Variants in PALLD observed in about 807,000 individuals in gnomAD.
PALLD encodes the protein palladin, cytoskeletal associated protein, also known as palladin.
In PALLD, 61 loss-of-function variants were observed where a neutral mutation model predicts 123.5. The ratio of observed to expected loss-of-function variants is 0.49; its 90% CI spans 0.40 to 0.61. PALLD has a LOEUF of 0.61. Among genes scored for constraint, PALLD ranks in the 20% least tolerant of loss-of-function variants. The pLI is 0.00. For missense variants in PALLD, 1,273 were observed against 1,377.0 expected (o/e 0.92, Z 1.20); for synonymous variants, 465 against 496.4 (o/e 0.94, Z 0.84).
At chr4:168,672,025 C>T (rs1780331675) in intron 3 of PALLD, among the ~76,000 whole-genome samples, 1 of 152,196 alleles carries the variant, frequency 6.6e-6, no homozygotes, top group African/African-American at 2.4e-5. Context: ...TTAGTGTCAC[C>T]TAGGAGCCAA....
intron 10 of PALLD, among the ~76,000 whole-genome samples, chr4:168,765,284 TAGA>T (rs1319548293): frequency 6.6e-6 from 1 of 151,778 alleles, no homozygotes; most frequent in Admixed American, 6.6e-5. Flanking sequence ...AAAAACAGAG[TAGA>T]AGAAGAAGAG....
intron 10 of PALLD, among the ~76,000 whole-genome samples, chr4:168,718,227 A>G (rs561863020): frequency 6.6e-6 from 1 of 152,320 alleles, no homozygotes; most frequent in South Asian, 2.1e-4. Flanking sequence ...TTACTGTTTG[A>G]CATTAGTATA....
intron 17 of PALLD, 62 bp downstream of exon 17, chr4:168,916,089 C>T (rs1294705127): frequency 1.4e-6 from 2 of 1,480,008 alleles, no homozygotes; most frequent in Admixed American, 1.7e-5. Flanking sequence ...TGCCATTTCT[C>T]TATAGTTCCT....
intron 2 of PALLD, among the ~76,000 whole-genome samples, chr4:168,570,194 C>A (rs1356896754): frequency 6.6e-6 from 1 of 152,202 alleles, no homozygotes; most frequent in Non-Finnish European, 1.5e-5. Flanking sequence ...ACTACTAGAA[C>A]AACCATTCAA....
intron 10 of PALLD, chr4:168,877,668 T>C (rs1751935710): frequency 2.1e-6 from 2 of 940,424 alleles, no homozygotes; most frequent in Non-Finnish European, 2.6e-6. Flanking sequence ...ACTCCTGGAA[T>C]ACACGTTCCT....
At chr4:168,515,565 TG>T (rs1226178634) in intron 2 of PALLD, among the ~76,000 whole-genome samples, 1 of 152,114 alleles carries the variant, frequency 6.6e-6, no homozygotes, top group Non-Finnish European at 1.5e-5. Context: ...GCAGCTGTAC[TG>T]GGAGGTAAGT....
At chr4:168,727,027 C>A (rs970503580) in intron 10 of PALLD, among the ~76,000 whole-genome samples, 2 of 152,156 alleles carry the variant, frequency 1.3e-5, no homozygotes, top group East Asian at 3.9e-4. Context: ...GCCTCCAGCT[C>A]CATCCACATT....
At chr4:168,847,141 G>A (rs1243576197) in intron 10 of PALLD, among the ~76,000 whole-genome samples, 1 of 152,052 alleles carries the variant, frequency 6.6e-6, no homozygotes. Flanking sequence ...GAACTTTTTT[G>A]AGGGCAATTT....
chr4:168,869,339 CT>C lies in PALLD; in HGVS notation c.1965-21582del, dbSNP rs1245492395. On this transcript the variant is annotated intron_variant, in intron 10 of 21. Coordinates refer to ENST00000505667, the MANE Select transcript of PALLD (RefSeq NM_001166108.2). The surrounding 1 kb of genome is among the most constrained non-coding windows in gnomAD (Gnocchi z 4.5). Reference sequence around the variant, plus strand: ...GCTGGTGTGTGAGATGATAATGCCACTGCCAAACTGACAGTGCCATGCCAGC... The same window carrying C: ...GCTGGTGTGTGAGATGATAATGCCACGCCAAACTGACAGTGCCATGCCAGC... Among the ~76,000 whole-genome samples the C allele has an allele frequency of 2.0e-5, 3 of 152,128 alleles. No individual in the cohort carries two copies. The highest frequency in any genetic ancestry group is 4.4e-5 in the Non-Finnish European group (3 of 68,014).
chr4:168,704,728 A>T (rs1414105119), intron 8 of PALLD, among the ~76,000 whole-genome samples: 5 of 151,688 alleles, frequency 3.3e-5, no homozygotes, highest in Middle Eastern at 6.8e-3. Flanking sequence ...AAAAATAAAA[A>T]TTTTTAAATG....
intron 15 of PALLD, among the ~76,000 whole-genome samples, chr4:168,913,261 C>A (rs1181539034): frequency 3.3e-5 from 5 of 151,754 alleles, no homozygotes; most frequent in African/African-American, 1.2e-4. Context: ...CTCAGCCTCC[C>A]AAGTAGCTGG....
At chr4:168,574,649 G>C (rs1165163001) in intron 2 of PALLD, among the ~76,000 whole-genome samples, 1 of 151,990 alleles carries the variant, frequency 6.6e-6, no homozygotes, top group Non-Finnish European at 1.5e-5. Flanking sequence ...TTTGGGGAAT[G>C]AATCATTCCC....
chr4:168,612,411 G>A (rs935700916), intron 2 of PALLD, among the ~76,000 whole-genome samples: 2 of 152,098 alleles, frequency 1.3e-5, no homozygotes, highest in Non-Finnish European at 2.9e-5. Context: ...CGTCTCCACA[G>A]TTTTCTGATT....
chr4:168,710,255 G>C (rs1003089653), intron 9 of PALLD, among the ~76,000 whole-genome samples: 1 of 151,598 alleles, frequency 6.6e-6, no homozygotes, highest in Admixed American at 6.6e-5. Context: ...ACTAGGGAAG[G>C]CAATATGAAA....
chr4:168,754,990 C>G (rs181357008), intron 10 of PALLD, among the ~76,000 whole-genome samples: 7 of 152,040 alleles, frequency 4.6e-5, no homozygotes, highest in Admixed American at 2.0e-4. Flanking sequence ...CCCAGCACTT[C>G]GGGAGGCTGA....
chr4:168,914,013 T>C lies in PALLD; in HGVS notation c.2709T>C (p.His903=), dbSNP rs764032112. 2 of 1,589,988 alleles carry C rather than the reference T, an allele frequency of 1.3e-6. No individual in the cohort carries two copies. Among genetic ancestry groups the C allele is most frequent in the South Asian group, 2.2e-5 (2 of 90,580 alleles). The part of the protein sequence containing the change: ...RSPRSPSGHP[H]VRRPRSRSRD... ...CCCGGTCTCCCTCAGGCCATCCTCATGTCAGAAGGTATTTAACATGTTCCT... is the reference window on the plus strand; with the variant it reads ...CCCGGTCTCCCTCAGGCCATCCTCACGTCAGAAGGTATTTAACATGTTCCT... The change falls in exon 16 of 22, where the codon CAT becomes CAC. Residue 903 remains histidine (H), a synonymous_variant. Coordinates refer to ENST00000505667, the MANE Select transcript of PALLD (RefSeq NM_001166108.2).
chr4:168,575,567 AT>A (rs1264541529), intron 2 of PALLD, among the ~76,000 whole-genome samples: 2 of 151,938 alleles, frequency 1.3e-5, no homozygotes, highest in East Asian at 3.9e-4. Context: ...CTAACCCCAG[AT>A]TTTTTATTGG....
intron 10 of PALLD, among the ~76,000 whole-genome samples, chr4:168,790,908 T>C (rs1268016700): frequency 6.6e-6 from 1 of 152,236 alleles, no homozygotes; most frequent in African/African-American, 2.4e-5. Flanking sequence ...TTTAGATCAC[T>C]GACTCTTACC....
intron 10 of PALLD, among the ~76,000 whole-genome samples, chr4:168,816,197 C>T (rs544286149): frequency 2.0e-5 from 3 of 152,056 alleles, no homozygotes; most frequent in Non-Finnish European, 2.9e-5. Flanking sequence ...TGCAGAGAGC[C>T]GTGCTTTCCT....
Sources: allele counts gnomAD v4.1 joint callset (sites outside exome capture counted in the v4.1 genomes callset), GRCh38; gene constraint gnomAD v4.1.1; non-coding constraint Gnocchi (gnomAD v3.1); transcripts MANE v1.5; gene names NCBI Gene and HGNC (gene_info 2026-07-23, HGNC 2026-07-21).